KIAA1755: variants seen among roughly 807,000 people sequenced by gnomAD.
KIAA1755 encodes the protein uncharacterized protein KIAA1755.
Under a neutral mutation model 91.7 loss-of-function variants are expected in KIAA1755, and 68 were observed. The observed-to-expected ratio is 0.74, with a 90% CI of 0.61 to 0.91. KIAA1755 has a LOEUF of 0.91. KIAA1755 is among the 40% of genes least tolerant of loss of function. KIAA1755 has a pLI of 0.00. For missense variants in KIAA1755, 1,535 were observed against 1,494.4 expected (o/e 1.03, Z -0.45); for synonymous variants, 610 against 604.6 (o/e 1.01, Z -0.13).
intron 1 of KIAA1755, among the ~76,000 whole-genome samples, chr20:38,253,069 C>A (rs2076279645): frequency 7.3e-6 from 1 of 137,744 alleles, no homozygotes; most frequent in Non-Finnish European, 1.5e-5. Context: ...AGCCCGCAGC[C>A]CGGCAGGAGC....
At chr20:38,251,566 T>TC (rs1205763677) in intron 1 of KIAA1755, among the ~76,000 whole-genome samples, 1 of 134,228 alleles carries the variant, frequency 7.5e-6, no homozygotes, top group Non-Finnish European at 1.5e-5. Context: ...GCTATTATAG[T>TC]CTTTTTTTTT....
At chr20:38,233,180 A>C (rs1480994363) in intron 4 of KIAA1755, 1 of 152,210 alleles carries the variant, frequency 6.6e-6, no homozygotes, top group African/African-American at 2.4e-5. Context: ...ATTAGGGAAC[A>C]CACTGAAGTA....
intron 13 of KIAA1755, 91 bp from the exon 14 acceptor site, chr20:38,213,834 G>C: frequency 1.1e-6 from 1 of 892,586 alleles, no homozygotes; most frequent in Non-Finnish European, 1.6e-6. Context: ...CCAGGGCCCC[G>C]CTCAGCTTGG....
At position 38,241,958 on chromosome 20, in the gene KIAA1755, A is replaced by G. The variant is rs764640801; in HGVS notation, c.202-29T>C. 9 of 1,590,086 alleles carry G rather than the reference A, an allele frequency of 5.7e-6. No individual in the cohort carries two copies. In the South Asian group the frequency reaches 9.1e-5, roughly 16 times the overall value. On this transcript the variant is annotated intron_variant, in intron 2 of 13. Coordinates refer to ENST00000279024, the MANE Select transcript of KIAA1755 (RefSeq NM_001029864.2). ...TGGAGAGAAGGGGATGGCATCAGAGAACCTGGCCCTGAAAGGCTCCACCCT... is the reference window on the plus strand; with the variant it reads ...TGGAGAGAAGGGGATGGCATCAGAGGACCTGGCCCTGAAAGGCTCCACCCT...
rs530257985 is a variant in KIAA1755, at chr20:38,223,619, A to C, written c.2187T>G (p.Leu729=). The C allele has an allele frequency of 6.2e-7, 1 of 1,606,060 alleles. No individual in the cohort carries two copies. Among genetic ancestry groups the C allele is most frequent in the African/African-American group, 1.3e-5 (1 of 74,408 alleles). ...VHFFQKLDPF[L]ADLHQASSLL... ...GGGAAGAGGCCTGGTGGAGGTCAGCAAGGAAAGGGTCCAGCTTCTGCAGGA... is the reference window on the plus strand; with the variant it reads ...GGGAAGAGGCCTGGTGGAGGTCAGCCAGGAAAGGGTCCAGCTTCTGCAGGA... The change falls in exon 9 of 14, where the codon CTT becomes CTG. Residue 729 remains leucine, a synonymous_variant. Transcript: ENST00000279024.
intron 1 of KIAA1755, chr20:38,260,239 G>A: frequency 6.5e-7 from 1 of 1,530,586 alleles, no homozygotes. Context: ...AGGGGTTGGG[G>A]AATATTAAAG....
intron 1 of KIAA1755, among the ~76,000 whole-genome samples, chr20:38,256,162 C>T (rs1257537379): frequency 6.6e-6 from 1 of 152,158 alleles, no homozygotes; most frequent in African/African-American, 2.4e-5. Context: ...GTCTCTTTCC[C>T]CGGGCTCCCT....
chr20:38,216,277 C>A (rs1886938627), intron 13 of KIAA1755, among the ~76,000 whole-genome samples: 1 of 152,218 alleles, frequency 6.6e-6, no homozygotes, highest in Non-Finnish European at 1.5e-5. Flanking sequence ...CTGGGGGAGC[C>A]CTTTGCTGCC....
Position 38,241,091 on chromosome 20 carries a change from G to A in KIAA1755, c.1040C>T (p.Pro347Leu), listed in dbSNP as rs2076052490. The A allele has an allele frequency of 2.5e-6, 4 of 1,613,922 alleles. No individual in the cohort carries two copies. The highest frequency in any genetic ancestry group is 3.4e-6 in the Non-Finnish European group (4 of 1,180,000). The change falls in exon 3 of 14, where the codon CCC becomes CTC. Residue 347 changes from proline to leucine, a missense_variant. Coordinates refer to ENST00000279024, the MANE Select transcript of KIAA1755 (RefSeq NM_001029864.2). ...CTKPESSEER[P>L]YNLGFRRKVN... is the part of the protein sequence containing the mutation. ...CTTTCTCCTGAAGCCCAAATTATAG[G>A]GCCTCTCCTCAGAGCTTTCTGGCTT... is the stretch of plus-strand genomic sequence containing the variant.
chr20:38,221,922 C>G (rs1290894091), intron 10 of KIAA1755, among the ~76,000 whole-genome samples: 10 of 152,210 alleles, frequency 6.6e-5, no homozygotes, highest in Non-Finnish European at 1.5e-4. Flanking sequence ...CCATGAGGTT[C>G]TCACAAGTGT....
chr20:38,221,187 G>C (rs929118183), intron 10 of KIAA1755, among the ~76,000 whole-genome samples: 18 of 152,200 alleles, frequency 1.2e-4, no homozygotes, highest in African/African-American at 3.1e-4. Context: ...TGGAGAGGGA[G>C]GGACGGAGGG....
At chr20:38,226,414 C>T (rs1306436323) in intron 7 of KIAA1755, among the ~76,000 whole-genome samples, 2 of 152,168 alleles carry the variant, frequency 1.3e-5, no homozygotes, top group Non-Finnish European at 2.9e-5. Context: ...GCCGGCATCA[C>T]CTAGGACATG....
intron 1 of KIAA1755, among the ~76,000 whole-genome samples, chr20:38,255,370 TG>T (rs896875175): frequency 2.8e-4 from 42 of 152,110 alleles, no homozygotes; most frequent in Non-Finnish European, 5.9e-4. Flanking sequence ...AGGGAAGCAA[TG>T]GGGAATAGAG....
In KIAA1755 at chr20:38,218,246, C is replaced by T. The variant is rs539042122; in HGVS notation, c.2677G>A (p.Ala893Thr). 8.1e-6 allele frequency: 13 copies of T among 1,614,202 alleles called. No homozygotes were observed. The highest frequency in any genetic ancestry group is 1.6e-4 in the Middle Eastern group (1 of 6,062). The change falls in exon 12 of 14, where the codon GCA becomes ACA. Residue 893 changes from alanine (A) to threonine (T), a missense_variant and splice_region_variant. Coordinates refer to ENST00000279024, the MANE Select transcript of KIAA1755 (RefSeq NM_001029864.2). ...AEFENFFLQA[A>T]AQYRRGLELS... ...CTCCTCTGTTGTCTGGAACGCACTG[C>T]AGCCTGGAGGAAGAAGTTCTCAAAT...
Position 38,230,888 on chromosome 20 carries a change from CAA to C in KIAA1755, c.1871+312_1871+313del, listed in dbSNP as rs61043014. On this transcript the variant is annotated intron_variant, in intron 5 of 13. Transcript: ENST00000279024. ...GGGCAACAAGAGTGAAACTCCATTT[CAA>C]AAAAAAAAAAAAAATGAAAACCACT... Among the ~76,000 whole-genome samples, 348 of 107,448 alleles carry C rather than the reference CAA, an allele frequency of 3.2e-3. 3 individuals carry two copies. In the East Asian group the frequency reaches 0.057, roughly 18 times the overall value. 70.5% of individuals were successfully genotyped at this position (107,448 alleles called of 152,430 possible).
rs1717630779 is a variant in KIAA1755, at chr20:38,260,534, C to T, written c.-34G>A. On this transcript the variant is annotated 5_prime_UTR_variant, in exon 1 of 14. Transcript: ENST00000279024. ...GCTGCCAGCGGCGGGCGGCGCGGCT[C>T]CTCTCCTGGGCGCGGGGTCTGTGGG... 6.7e-7 allele frequency: 1 copy of T among 1,483,416 alleles called. No individual in the cohort carries two copies. The highest frequency in any genetic ancestry group is 8.9e-7 in the Non-Finnish European group (1 of 1,120,028). The allele number at this position is 1,483,416 out of a possible 1,614,324, so 91.9% of individuals were successfully genotyped here.
chr20:38,222,762 T>TCGGCAC (rs1437062906), intron 9 of KIAA1755, 165 bp from the exon 10 acceptor site: 11 of 727,476 alleles, frequency 1.5e-5, no homozygotes, highest in African/African-American at 1.2e-4. Context: ...CCATGTCCCC[T>TCGGCAC]CTCGTCACCA....
At chr20:38,237,515 G>A (rs2075979124) in intron 4 of KIAA1755, among the ~76,000 whole-genome samples, 2 of 152,082 alleles carry the variant, frequency 1.3e-5, no homozygotes, top group African/African-American at 4.8e-5. Context: ...ATTACAATGT[G>A]AGCCTGGAAT....
chr20:38,222,106 T>C (rs1432510810), intron 10 of KIAA1755, among the ~76,000 whole-genome samples: 1 of 152,218 alleles, frequency 6.6e-6, no homozygotes, highest in East Asian at 1.9e-4. Context: ...CAGAAATAAA[T>C]GAGGCAGGCT....
Sources: gnomAD v4.1 joint callset for allele counts (sites outside exome capture counted in the v4.1 genomes callset) on GRCh38, gnomAD v4.1.1 for gene constraint, MANE v1.5 for transcripts, NCBI Gene and HGNC (gene_info 2026-07-23, HGNC 2026-07-21) for gene names.